Variants in STK32C observed in about 807,000 individuals in gnomAD.
STK32C encodes serine/threonine-protein kinase 32C.
STK32C carries 31 observed loss-of-function variants against 56.5 expected under a neutral mutation model. That is an observed-to-expected ratio of 0.55 (90% CI 0.41 to 0.74). The LOEUF (loss-of-function observed/expected upper bound fraction) is 0.74, where lower values mean the gene tolerates loss of function less well. STK32C is among the 30% of genes least tolerant of loss of function. The pLI is 0.00. For missense variants in STK32C, 544 were observed against 676.9 expected (o/e 0.80, Z 2.18); for synonymous variants, 309 against 289.4 (o/e 1.07, Z -0.69).
At chr10:132,294,568 A>G (rs1433583581) in intron 1 of STK32C, among the ~76,000 whole-genome samples, 2 of 152,214 alleles carry the variant, frequency 1.3e-5, no homozygotes, top group African/African-American at 4.8e-5. Context: ...ACCAAACGCC[A>G]TCTGATGCCT....
chr10:132,221,090 C>T (rs1321831078), intron 10 of STK32C, among the ~76,000 whole-genome samples: 1 of 152,256 alleles, frequency 6.6e-6, no homozygotes, highest in Non-Finnish European at 1.5e-5. Context: ...GTCCTGGCAG[C>T]CCCAGAATAC....
At chr10:132,331,329 G>C in intron 1 of STK32C, 6 of 1,109,716 alleles carry the variant, frequency 5.4e-6, no homozygotes, top group Non-Finnish European at 7.6e-6. Flanking sequence ...TGGAATGAAG[G>C]TGCACGGGAC....
Position 132,325,923 on chromosome 10 carries a change from G to A in STK32C, c.302-1550C>T, listed in dbSNP as rs1371102363. On this transcript the variant is annotated intron_variant, in intron 1 of 1. Coordinates refer to the STK32C transcript ENST00000368619. ...TTTTTAGTAGAGACGGGGTTTCACCGTGTTAGCCAGGATGTTATCGATCTC... is the reference window on the plus strand; with the variant it reads ...TTTTTAGTAGAGACGGGGTTTCACCATGTTAGCCAGGATGTTATCGATCTC... Among the ~76,000 whole-genome samples the A allele has an allele frequency of 6.6e-5, 10 of 152,086 alleles. No homozygotes were observed. The East Asian group carries it at 9.8e-4, about 15-fold the overall frequency.
chr10:132,254,228 G>T (rs530208990), intron 1 of STK32C, among the ~76,000 whole-genome samples: 1 of 152,170 alleles, frequency 6.6e-6, no homozygotes, highest in Non-Finnish European at 1.5e-5. Flanking sequence ...AGAACGGCAT[G>T]AACCCGGGAG....
At chr10:132,301,438 C>G (rs1479012559) in intron 1 of STK32C, among the ~76,000 whole-genome samples, 2 of 152,068 alleles carry the variant, frequency 1.3e-5, no homozygotes, top group African/African-American at 4.8e-5. Context: ...GGCCTGGAAC[C>G]CGGGTTCCTC....
intron 10 of STK32C, among the ~76,000 whole-genome samples, chr10:132,209,617 GGCAGGACTACTTCCTTCAGGCA>G (rs1480323342): frequency 6.6e-6 from 1 of 151,914 alleles, no homozygotes; most frequent in Non-Finnish European, 1.5e-5. Context: ...GTGATGGGCA[GGCAGGACTACTTCCTTCAGGCA>G]GCAGGACCAC....
chr10:132,261,970 G>T (rs538955624), intron 1 of STK32C, among the ~76,000 whole-genome samples: 1 of 152,248 alleles, frequency 6.6e-6, no homozygotes, highest in African/African-American at 2.4e-5. Context: ...AACCAAAAAT[G>T]AGCTCAAATA....
chr10:132,302,570 T>C (rs1367368297), intron 1 of STK32C, among the ~76,000 whole-genome samples: 1 of 152,146 alleles, frequency 6.6e-6, no homozygotes, highest in Non-Finnish European at 1.5e-5. Flanking sequence ...ACCAGGGGCC[T>C]CTGCAGCCAC....
upstream of STK32C, among the ~76,000 whole-genome samples, chr10:132,310,694 A>G (rs2066202806): frequency 1.3e-5 from 2 of 152,234 alleles, no homozygotes; most frequent in African/African-American, 2.4e-5. The surrounding 1 kb of genome is among the most constrained non-coding windows in gnomAD (Gnocchi z 4.6). Flanking sequence ...CCTTCCAATG[A>G]CAGGAGACCA....
At chr10:132,274,436 TC>T in intron 1 of STK32C, among the ~76,000 whole-genome samples, 1 of 152,354 alleles carries the variant, frequency 6.6e-6, no homozygotes, top group East Asian at 1.9e-4. Flanking sequence ...AGAGAAATTT[TC>T]GTATGTGTTT....
Position 132,228,177 on chromosome 10 carries a change from C to T in STK32C, c.319-49G>A, listed in dbSNP as rs768260304. ...CAGGACGCCTGAGGACGCCTGGGGA[C>T]ACGTGGGGACACCTGGAAATGCATG... On this transcript the variant is annotated intron_variant, in intron 2 of 11. Coordinates refer to ENST00000298630, the MANE Select transcript of STK32C (RefSeq NM_173575.4). 6.2e-6 allele frequency: 10 copies of T among 1,612,772 alleles called. No individual in the cohort carries two copies. In the African/African-American group the frequency reaches 1.3e-4, roughly 22 times the overall value.
At chr10:132,233,168 G>A (rs916702692) in intron 2 of STK32C, among the ~76,000 whole-genome samples, 1 of 152,184 alleles carries the variant, frequency 6.6e-6, no homozygotes, top group Non-Finnish European at 1.5e-5. Flanking sequence ...GGGAGGGTCA[G>A]TGCCCAGGAC....
chr10:132,257,455 G>A (rs2064161235), intron 1 of STK32C, among the ~76,000 whole-genome samples: 1 of 152,066 alleles, frequency 6.6e-6, no homozygotes, highest in Non-Finnish European at 1.5e-5. Flanking sequence ...CTCCCAGGGA[G>A]AGGGGCAGAG....
intron 1 of STK32C, chr10:132,249,095 G>C (rs1401023963): frequency 1.1e-5 from 5 of 474,924 alleles, no homozygotes; most frequent in Admixed American, 2.2e-5. Flanking sequence ...CTGGGAGGCA[G>C]CAGCAAGGCG....
chr10:132,264,194 C>T (rs1458810692), intron 1 of STK32C, among the ~76,000 whole-genome samples: 1 of 152,208 alleles, frequency 6.6e-6, no homozygotes, highest in East Asian at 1.9e-4. Flanking sequence ...TGTCAATGCA[C>T]TAAACACCAC....
At chr10:132,310,230 G>A (rs1483305306), upstream of STK32C, among the ~76,000 whole-genome samples, 2 of 152,158 alleles carry the variant, frequency 1.3e-5, 1 homozygote, top group East Asian at 3.9e-4. The surrounding 1 kb of genome is among the most constrained non-coding windows in gnomAD (Gnocchi z 4.6). Context: ...CACCAAGCCA[G>A]GCACCTGCCT....
At chr10:132,238,919 C>T (rs1168972739) in intron 2 of STK32C, among the ~76,000 whole-genome samples, 1 of 152,228 alleles carries the variant, frequency 6.6e-6, no homozygotes, top group Non-Finnish European at 1.5e-5. Flanking sequence ...TGGGTGGACA[C>T]TTGGGCGGAG....
At chr10:132,215,420 A>G (rs1666163881) in intron 10 of STK32C, among the ~76,000 whole-genome samples, 1 of 151,968 alleles carries the variant, frequency 6.6e-6, no homozygotes, top group African/African-American at 2.4e-5. Context: ...GTGGGAGGTG[A>G]TTGAATTATG....
intron 2 of STK32C, among the ~76,000 whole-genome samples, chr10:132,238,132 A>G (rs2063359433): frequency 1.3e-5 from 2 of 152,010 alleles, no homozygotes; most frequent in Admixed American, 6.6e-5. Flanking sequence ...ACTTCCTCCC[A>G]CCATCTGGCC....
Sources: allele counts gnomAD v4.1 joint callset (sites outside exome capture counted in the v4.1 genomes callset), GRCh38; gene constraint gnomAD v4.1.1; non-coding constraint Gnocchi (gnomAD v3.1); transcripts MANE v1.5; gene names NCBI Gene and HGNC (gene_info 2026-07-23, HGNC 2026-07-21).